The following CDH23 variants were observed in gnomAD, a reference collection of about 807,000 sequenced individuals.
CDH23 encodes cadherin-23.
Under a neutral mutation model 317.1 loss-of-function variants are expected in CDH23, and 189 were observed. The ratio of observed to expected loss-of-function variants is 0.60; its 90% confidence interval spans 0.53 to 0.67. CDH23 has a LOEUF of 0.67. Among genes scored for constraint, CDH23 ranks in the 30% least tolerant of loss-of-function variants. The pLI is 0.00. For synonymous variants in CDH23, 1,839 were observed against 1,876.8 expected, an observed-to-expected ratio of 0.98 and a Z score of 0.52; for missense variants, 4,401 against 4,592.4, an observed-to-expected ratio of 0.96 and a Z score of 1.20.
chr10:71,702,312 T>C, intron 23 of CDH23, 101 bp downstream of exon 23: 2 of 1,324,230 alleles, frequency 1.5e-6, no homozygotes, highest in Non-Finnish European at 2.1e-6. Flanking sequence ...AGGAGGTCTA[T>C]GTCTGATCAC....
rs568265207 is a variant in CDH23 at position 71,568,183 on chromosome 10, TC to T, written c.624+1251del. On this transcript the variant is annotated intron_variant, in intron 7 of 69. Transcript: ENST00000224721. The stretch of plus-strand genomic sequence containing the variant: ...AGGTGACACTCACGTTCTTTCCTTC[TC>T]CCCTGTTTAAGTGTTAGTTGCCTGG... 2.0e-5 allele frequency among the ~76,000 whole-genome samples: 3 copies of T among 152,340 alleles called. No individual in the cohort carries two copies. In the South Asian group the frequency reaches 6.2e-4, roughly 32 times the overall value.
At chr10:71,400,219 G>C (rs1464333350) in intron 1 of CDH23, among the ~76,000 whole-genome samples, 1 of 152,200 alleles carries the variant, frequency 6.6e-6, no homozygotes, top group Non-Finnish European at 1.5e-5. Flanking sequence ...AGGCATCAAG[G>C]CTGGCCTGAG....
intron 27 of CDH23, chr10:71,711,674 T>C (rs559831924): frequency 6.6e-6 from 1 of 152,290 alleles, no homozygotes; most frequent in South Asian, 2.1e-4. Flanking sequence ...ACCTATCCAA[T>C]ATTTTATAAA....
intron 11 of CDH23, among the ~76,000 whole-genome samples, chr10:71,622,232 C>T (rs573436539): frequency 6.6e-6 from 1 of 152,258 alleles, no homozygotes; most frequent in Admixed American, 6.5e-5. Context: ...CTTAAACCCC[C>T]TGTGCCGCCC....
At chr10:71,559,078 A>C (rs1241163378) in intron 6 of CDH23, among the ~76,000 whole-genome samples, 1 of 152,060 alleles carries the variant, frequency 6.6e-6, no homozygotes, top group Non-Finnish European at 1.5e-5. Context: ...ATTCCCTCCC[A>C]CTCAGCATCA....
intron 41 of CDH23, among the ~76,000 whole-genome samples, chr10:71,780,646 G>T (rs1385175043): frequency 2.0e-5 from 3 of 152,182 alleles, no homozygotes; most frequent in African/African-American, 7.2e-5. Context: ...GGCATCATGA[G>T]GGCGTGGCTT....
intron 6 of CDH23, among the ~76,000 whole-genome samples, chr10:71,546,088 G>A (rs1298855739): frequency 6.6e-6 from 1 of 151,890 alleles, no homozygotes; most frequent in African/African-American, 2.4e-5. Context: ...TGATCTGATG[G>A]CCACAGCATT....
At chr10:71,806,027 G>C in intron 56 of CDH23, 30 bp downstream of exon 56, 3 of 1,555,382 alleles carry the variant, frequency 1.9e-6, no homozygotes, top group Non-Finnish European at 2.6e-6. Context: ...CGAGGGGCGG[G>C]GTCTGGGGCG....
At chr10:71,734,168 A>G in intron 32 of CDH23, 72 bp from the exon 33 acceptor site, 1 of 1,276,034 alleles carries the variant, frequency 7.8e-7, no homozygotes, top group Non-Finnish European at 1.1e-6. Flanking sequence ...TGGAGGTGGA[A>G]AAGTGGGCAG....
intron 3 of CDH23, among the ~76,000 whole-genome samples, chr10:71,481,163 T>G (rs1055487979): frequency 1.3e-5 from 2 of 152,114 alleles, no homozygotes; most frequent in Admixed American, 6.5e-5. Flanking sequence ...GCTGGAGGGC[T>G]GGAACTTTGC....
At position 71,746,352 on chromosome 10, in the gene CDH23, T is replaced by TC. The variant is rs59615739; in HGVS notation, c.4845+4437dup. Among the ~76,000 whole-genome samples the TC allele has an allele frequency of 9.9e-3, 1,514 of 152,224 alleles. 25 individuals are homozygous for TC. Among genetic ancestry groups the TC allele is most frequent in the African/African-American group, 0.033 (1,364 of 41,534 alleles). On this transcript the variant is annotated intron_variant, in intron 38 of 69. Transcript: ENST00000224721. The stretch of plus-strand genomic sequence containing the variant: ...TCTACTTTTCTCCCTGAGACCCTCG[T>TC]CCCCCCAGGTTCCTGAGAGCTGGAC...
chr10:71,563,851 C>G (rs1001277408), intron 6 of CDH23, among the ~76,000 whole-genome samples: 4 of 151,736 alleles, frequency 2.6e-5, no homozygotes, highest in African/African-American at 7.3e-5. Flanking sequence ...TGGGTTCAAG[C>G]CGTTCTCCTG....
chr10:71,667,397 C>CGT (rs1554853140), intron 14 of CDH23, among the ~76,000 whole-genome samples: 7 of 106,880 alleles, frequency 6.5e-5, no homozygotes, highest in Non-Finnish European at 1.6e-4. Flanking sequence ...TGTGTGTGTG[C>CGT]GCGTGTGTGT....
intron 1 of CDH23, among the ~76,000 whole-genome samples, chr10:71,425,245 G>GAGAGAGGA (rs1849010669): frequency 1.4e-5 from 1 of 70,606 alleles, no homozygotes; most frequent in African/African-American, 5.8e-5. Flanking sequence ...GAGAGAGAGA[G>GAGAGAGGA]AGAGAGAGAG....
chr10:71,420,692 C>T (rs987899383), intron 1 of CDH23, among the ~76,000 whole-genome samples: 1 of 151,892 alleles, frequency 6.6e-6, no homozygotes, highest in Non-Finnish European at 1.5e-5. Flanking sequence ...TTATTTGATA[C>T]TTATAACAAC....
chr10:71,709,349 A>T lies in CDH23; in HGVS notation c.3220+138A>T, dbSNP rs1865895251. 5.8e-6 allele frequency: 4 copies of T among 685,832 alleles called. No homozygotes were observed. In the Admixed American group the frequency reaches 1.0e-4, roughly 18 times the overall value. 42.5% of individuals were successfully genotyped at this position (685,832 alleles called of 1,614,324 possible). A position where few individuals can be genotyped will look rare whatever the true frequency, so the allele number is the denominator to read the frequency against. On this transcript the variant is annotated intron_variant, in intron 27 of 69. Transcript: ENST00000224721. ...AGAAAGGGCCACCAGGCACTCACCAAACATTACTCAGCACTTGCCGGGCAT... is the reference window on the plus strand; with the variant it reads ...AGAAAGGGCCACCAGGCACTCACCATACATTACTCAGCACTTGCCGGGCAT...
intron 38 of CDH23, among the ~76,000 whole-genome samples, chr10:71,777,281 C>T (rs1266865696): frequency 1.3e-5 from 2 of 152,208 alleles, no homozygotes; most frequent in East Asian, 1.9e-4. Context: ...CATATAGGCT[C>T]AATAAGACAC....
At chr10:71,568,059 GC>G (rs1438984918) in intron 7 of CDH23, among the ~76,000 whole-genome samples, 2 of 152,164 alleles carry the variant, frequency 1.3e-5, no homozygotes, top group East Asian at 3.9e-4. Context: ...AAGATGGGGT[GC>G]CCCCAGACTT....
intron 47 of CDH23, among the ~76,000 whole-genome samples, chr10:71,792,846 AAAAAAAATATATATAT>A (rs1841296393): frequency 1.5e-5 from 1 of 64,710 alleles, no homozygotes; most frequent in Non-Finnish European, 3.1e-5. Context: ...AAAAAAAAAA[AAAAAAAATATATATAT>A]ATATATATAT....
Sources: gnomAD v4.1 joint callset for allele counts (sites outside exome capture counted in the v4.1 genomes callset) on GRCh38, gnomAD v4.1.1 for gene constraint, MANE v1.5 for transcripts, NCBI Gene and HGNC (gene_info 2026-07-23, HGNC 2026-07-21) for gene names.